The following KANK4 variants were observed in gnomAD, a reference collection of about 807,000 sequenced individuals.
The protein encoded by KANK4 is KN motif and ankyrin repeat domains 4, also known as KN motif and ankyrin repeat domain-containing protein 4.
KANK4 carries 50 observed loss-of-function variants against 80.8 expected under a neutral mutation model. That is an observed-to-expected ratio of 0.62 (90% CI 0.49 to 0.78). The LOEUF is 0.78. KANK4 is among the 30% of genes least tolerant of loss of function. The pLI is 0.00. For missense variants in KANK4, 1,196 were observed against 1,240.1 expected, an observed-to-expected ratio of 0.96 and a Z score of 0.53; for synonymous variants, 465 against 506.9, an observed-to-expected ratio of 0.92 and a Z score of 1.11.
At chr1:62,255,139 C>T (rs1671721726) in intron 7 of KANK4, among the ~76,000 whole-genome samples, 1 of 152,046 alleles carries the variant, frequency 6.6e-6, no homozygotes, top group Non-Finnish European at 1.5e-5. Context: ...CCCACCTCAG[C>T]CTCCCAAAGT....
At chr1:62,244,849 C>G (rs1253680477) in intron 9 of KANK4, among the ~76,000 whole-genome samples, 1 of 152,172 alleles carries the variant, frequency 6.6e-6, no homozygotes. Flanking sequence ...AGCCACTGCA[C>G]CTGGCCTCAT....
chr1:62,314,878 G>A (rs1005065632), intron 1 of KANK4, among the ~76,000 whole-genome samples: 2 of 152,154 alleles, frequency 1.3e-5, no homozygotes, highest in Admixed American at 6.5e-5. Flanking sequence ...TTGAAAACAG[G>A]ACTTCTTTCT....
chr1:62,266,631 C>T (rs1387427189), intron 6 of KANK4, 101 bp downstream of exon 6: 1 of 760,164 alleles, frequency 1.3e-6, no homozygotes, highest in Non-Finnish European at 2.3e-6. Flanking sequence ...ACTCACACCA[C>T]TGCCTGCCTC....
At chr1:62,286,260 A>ACCT (rs1672562582) in intron 1 of KANK4, among the ~76,000 whole-genome samples, 1 of 152,214 alleles carries the variant, frequency 6.6e-6, no homozygotes, top group African/African-American at 2.4e-5. Context: ...CTTCCCAGAA[A>ACCT]GCCAGGTTTC....
intron 1 of KANK4, among the ~76,000 whole-genome samples, chr1:62,289,158 C>T (rs886607679): frequency 2.0e-5 from 3 of 152,028 alleles, no homozygotes; most frequent in Admixed American, 6.6e-5. Flanking sequence ...GTGGAAAAGA[C>T]GGATGAGGAA....
chr1:62,277,881 G>A (rs967023158), intron 2 of KANK4, among the ~76,000 whole-genome samples: 4 of 152,196 alleles, frequency 2.6e-5, no homozygotes, highest in African/African-American at 9.6e-5. Context: ...TTGTTATGCA[G>A]CAATAGATAG....
intron 7 of KANK4, among the ~76,000 whole-genome samples, chr1:62,254,500 C>T (rs932452596): frequency 4.0e-5 from 6 of 151,816 alleles, no homozygotes; most frequent in South Asian, 4.2e-4. Flanking sequence ...CCTCGGCCTC[C>T]GAAAGTGCTG....
At chr1:62,283,287 G>A (rs1672491428) in intron 1 of KANK4, among the ~76,000 whole-genome samples, 1 of 152,146 alleles carries the variant, frequency 6.6e-6, no homozygotes, top group African/African-American at 2.4e-5. Context: ...GGGCAGAGCT[G>A]GGAGTACTTG....
chr1:62,314,001 T>C (rs1460866887), intron 1 of KANK4, among the ~76,000 whole-genome samples: 2 of 151,998 alleles, frequency 1.3e-5, no homozygotes, highest in Non-Finnish European at 2.9e-5. Flanking sequence ...CGTCTTTTTG[T>C]TTTGTTTTGT....
intron 1 of KANK4, among the ~76,000 whole-genome samples, chr1:62,292,678 C>A (rs1356869526): frequency 6.6e-6 from 1 of 152,098 alleles, no homozygotes; most frequent in African/African-American, 2.4e-5. Flanking sequence ...GGAGGTGAAC[C>A]CTGAAAGGCT....
At chr1:62,261,327 T>G (rs1671881412) in intron 7 of KANK4, among the ~76,000 whole-genome samples, 1 of 151,764 alleles carries the variant, frequency 6.6e-6, no homozygotes, top group Non-Finnish European at 1.5e-5. Flanking sequence ...ACCCAGCTAA[T>G]TTTTGTATTT....
rs755314925 is a variant in KANK4 at position 62,273,242 on chromosome 1, G to T, written c.1862C>A (p.Pro621His). ...GGAGGAGGAGGCCGGTGGCTCCTTG[G>T]GTGGGTGAGCCTGGGCCGAGTAGGC... ...LSAYSAQAHP[P>H]KEPPASSSSP... The change falls in exon 3 of 10, where the codon CCC (proline) becomes CAC (histidine). Residue 621 changes from proline (P) to histidine (H), a missense_variant. This residue lies in a region of KANK4 where 1,154 missense variants were observed against 1,179.6 expected (regional missense o/e 0.98). Transcript: ENST00000371153. 31 of 1,528,048 alleles carry T rather than the reference G, an allele frequency of 2.0e-5. No individual in the cohort carries two copies. In the South Asian group the frequency reaches 3.7e-4, roughly 18 times the overall value. The allele number at this position is 1,528,048 out of a possible 1,614,324, so 94.7% of individuals were successfully genotyped here.
chr1:62,255,758 C>T (rs1671737555), intron 7 of KANK4, among the ~76,000 whole-genome samples: 1 of 152,126 alleles, frequency 6.6e-6, no homozygotes, highest in Admixed American at 6.5e-5. Flanking sequence ...AAGTGATCCT[C>T]CCACCTCAGC....
chr1:62,317,775 G>C (rs1221272115), intron 1 of KANK4, among the ~76,000 whole-genome samples: 1 of 152,214 alleles, frequency 6.6e-6, no homozygotes, highest in African/African-American at 2.4e-5. Flanking sequence ...TTATGTGAGT[G>C]ATTTAATTCC....
In KANK4 at chr1:62,273,443, G is replaced by A. The variant is rs763117048; in HGVS notation, c.1661C>T (p.Ser554Leu). Residue 554 changes from serine (S) to leucine (L), a missense_variant, in exon 3 of 10, where the codon TCG becomes TTG. Physicochemically the swap from Ser to Leu is moderately radical, Grantham distance 145. Transcript: ENST00000371153. ...CTGCCCAATAGTGGCATCCGTTGGCGAGCTTGGTGGCCTTCCCGGGTGCTC... is the reference window on the plus strand; with the variant it reads ...CTGCCCAATAGTGGCATCCGTTGGCAAGCTTGGTGGCCTTCCCGGGTGCTC... ...GKEHPGRPPSSPTDATIGQYV... is the reference protein window; with the variant it reads ...GKEHPGRPPSLPTDATIGQYV... 9 of 1,613,800 alleles carry A rather than the reference G, an allele frequency of 5.6e-6. No individual in the cohort carries two copies. Among genetic ancestry groups the A allele is most frequent in the South Asian group, 2.2e-5 (2 of 90,960 alleles).
chr1:62,253,129 C>A lies in KANK4; in HGVS notation c.2620G>T (p.Glu874Ter). Reference sequence around the variant, plus strand: ...AGCTTCCAGACAACAGCCATGTCTTCATTGGTCTCTGCGGAAGCCAAGGGA... The same window carrying A: ...AGCTTCCAGACAACAGCCATGTCTTAATTGGTCTCTGCGGAAGCCAAGGGA... ...ITPLASAETN[E>*]DMAVVWKLLR... The change falls in exon 8 of 10, where the codon GAA becomes TAA. Residue 874 changes from glutamate to a stop codon, truncating the protein, a stop_gained. Coordinates refer to ENST00000371153, the MANE Select transcript of KANK4 (RefSeq NM_181712.5). LOFTEE classifies it high-confidence loss of function. The A allele has an allele frequency of 1.2e-6, 2 of 1,614,008 alleles. No homozygotes were observed. Among genetic ancestry groups the A allele is most frequent in the Non-Finnish European group, 1.7e-6 (2 of 1,179,962 alleles).
rs1283741174 is a variant in KANK4, at chr1:62,237,772, AG to A, written c.*504del. On this transcript the variant is annotated 3_prime_UTR_variant, in exon 10 of 10. Transcript: ENST00000371153. ...CACCAGTCTGCACGGTGATTCTTCT[AG>A]GGTCCCCTACAGAATGCTTGCCAGG... The A allele has an allele frequency of 1.3e-5, 2 of 152,794 alleles. No individual in the cohort carries two copies. Among genetic ancestry groups the A allele is most frequent in the African/African-American group, 4.8e-5 (2 of 41,464 alleles). 9.5% of individuals were successfully genotyped at this position (152,794 alleles called of 1,614,324 possible). A position where few individuals can be genotyped will look rare whatever the true frequency, so the allele number is the denominator to read the frequency against.
At chr1:62,283,871 C>T (rs974668251) in intron 1 of KANK4, among the ~76,000 whole-genome samples, 3 of 152,194 alleles carry the variant, frequency 2.0e-5, no homozygotes, top group African/African-American at 7.2e-5. Flanking sequence ...ATTCAGCACA[C>T]ATTAGGTCAA....
chr1:62,278,353 C>T (rs373900905), intron 2 of KANK4, among the ~76,000 whole-genome samples: 2,275 of 15,668 alleles, frequency 0.15, 327 homozygotes, highest in East Asian at 0.3. Context: ...TCCTTCCTTC[C>T]TTCCTTCCTT....
Sources: allele counts gnomAD v4.1 joint callset (sites outside exome capture counted in the v4.1 genomes callset), GRCh38; gene constraint gnomAD v4.1.1; regional missense constraint gnomAD v4.1.1; transcripts MANE v1.5; gene names NCBI Gene and HGNC (gene_info 2026-07-23, HGNC 2026-07-21).